GLUD1: variants seen among roughly 807,000 people sequenced by gnomAD.
GLUD1 encodes glutamate dehydrogenase 1, also known as glutamate dehydrogenase 1, mitochondrial.
In GLUD1, 22 loss-of-function variants were observed where a neutral mutation model predicts 56.0. The ratio of observed to expected loss-of-function variants is 0.39; its 90% confidence interval spans 0.28 to 0.56. GLUD1 has a LOEUF of 0.56. Among genes scored for constraint, GLUD1 ranks in the 20% least tolerant of loss-of-function variants. GLUD1 has a pLI of 0.58. For missense variants in GLUD1, 451 were observed against 732.0 expected, an observed-to-expected ratio of 0.62 and a Z score of 4.43; for synonymous variants, 223 against 269.9, an observed-to-expected ratio of 0.83 and a Z score of 1.70.
At position 87,060,936 on chromosome 10, in the gene GLUD1, C is replaced by T. The variant is rs1337811977; in HGVS notation, c.1038G>A (p.Lys346=). Residue 346 remains lysine, a synonymous_variant, in exon 7 of 13, where the codon AAG becomes AAA. Coordinates refer to ENST00000277865, the MANE Select transcript of GLUD1 (RefSeq NM_005271.5). ...SIWNPDGIDP[K]ELEDFKLQHG... is the part of the protein sequence containing the mutation. Reference sequence around the variant, plus strand: ...ATACCAATTTGAAGTCTTCCAGTTCCTTTGGGTCAATACCATCTGGATTCC... The same window carrying T: ...ATACCAATTTGAAGTCTTCCAGTTCTTTTGGGTCAATACCATCTGGATTCC... 1 of 1,614,102 alleles carries T rather than the reference C, an allele frequency of 6.2e-7. No individual in the cohort carries two copies. The highest frequency in any genetic ancestry group is 8.5e-7 in the Non-Finnish European group (1 of 1,179,966).
intron 5 of GLUD1, among the ~76,000 whole-genome samples, chr10:87,065,029 A>G (rs775582337): frequency 5.3e-5 from 8 of 152,154 alleles, no homozygotes; most frequent in Non-Finnish European, 1.2e-4. Flanking sequence ...TTAGGGCTTG[A>G]TTTTAGATTT....
At chr10:87,056,616 C>A (rs570177676) in intron 11 of GLUD1, among the ~76,000 whole-genome samples, 1 of 152,174 alleles carries the variant, frequency 6.6e-6, no homozygotes, top group African/African-American at 2.4e-5. Context: ...TCAATAACAT[C>A]ATCGTGCATG....
chr10:87,076,752 A>T, intron 1 of GLUD1, 96 bp from the exon 2 acceptor site: 2 of 797,890 alleles, frequency 2.5e-6, no homozygotes, highest in South Asian at 2.8e-5. Flanking sequence ...GAAAGCTACA[A>T]ATTGAAAATA....
intron 1 of GLUD1, among the ~76,000 whole-genome samples, chr10:87,081,548 G>T (rs11202323): frequency 6.6e-6 from 1 of 151,904 alleles, no homozygotes; most frequent in African/African-American, 2.4e-5. Flanking sequence ...GATGGTTGCC[G>T]TGTCTGTGTG....
chr10:87,065,127 C>T, intron 5 of GLUD1, among the ~76,000 whole-genome samples: 1 of 151,930 alleles, frequency 6.6e-6, no homozygotes, highest in Non-Finnish European at 1.5e-5. Flanking sequence ...ACCGTCTCTA[C>T]TAAAAATACA....
chr10:87,088,077 GT>G (rs1051767924), intron 1 of GLUD1, among the ~76,000 whole-genome samples: 1 of 150,282 alleles, frequency 6.7e-6, no homozygotes, highest in Admixed American at 6.6e-5. Context: ...GCAAAACTCT[GT>G]TTCAAAAAAA....
intron 1 of GLUD1, among the ~76,000 whole-genome samples, chr10:87,093,124 T>G (rs192423968): frequency 6.6e-6 from 1 of 152,298 alleles, no homozygotes; most frequent in East Asian, 1.9e-4. Flanking sequence ...TTGTCCCCCC[T>G]GCTGGGAACA....
intron 1 of GLUD1, among the ~76,000 whole-genome samples, chr10:87,082,403 C>A (rs1168624339): frequency 6.6e-6 from 1 of 152,224 alleles, no homozygotes; most frequent in Non-Finnish European, 1.5e-5. Context: ...TTCCCAGCTA[C>A]ACCCATTTAG....
chr10:87,059,188 G>A lies in GLUD1; in HGVS notation c.1364C>T (p.Thr455Ile), dbSNP rs1196640248. The stretch of plus-strand genomic sequence containing the variant: ...GTTAGAATCCCTTTCATATTTGAAG[G>A]TCAAACGGCCATAGCTGACATGATT... ...NLNHVSYGRL[T>I]FKYERDSNYH... Residue 455 changes from threonine (T) to isoleucine (I), a missense_variant, in exon 10 of 13, where the codon ACC becomes ATC. By Grantham distance (89) the Thr-to-Ile change is moderately conservative. Around this residue, in one of 4 missense-constraint regions of GLUD1, gnomAD observed 248 missense variants for 460.0 expected, o/e 0.54. Transcript: ENST00000277865. The A allele has an allele frequency of 1.9e-6, 3 of 1,613,490 alleles. No homozygotes were observed. The highest frequency in any genetic ancestry group is 2.5e-6 in the Non-Finnish European group (3 of 1,179,984).
rs1383585741 is a variant in GLUD1 at position 87,062,843 on chromosome 10, A to T, written c.742-8T>A. On this transcript the variant is annotated splice_polypyrimidine_tract_variant and splice_region_variant and intron_variant, in intron 5 of 12. Coordinates refer to ENST00000277865, the MANE Select transcript of GLUD1 (RefSeq NM_005271.5). Reference sequence around the variant, plus strand: ...GGCGTGTGCATTAATATCCTGTAAGAGGGGGTAATTGAAAGAATGAAATGT... The same window carrying T: ...GGCGTGTGCATTAATATCCTGTAAGTGGGGGTAATTGAAAGAATGAAATGT... 6.2e-7 allele frequency: 1 copy of T among 1,612,824 alleles called. No individual in the cohort carries two copies. Among genetic ancestry groups the T allele is most frequent in the Non-Finnish European group, 8.5e-7 (1 of 1,178,962 alleles).
intron 9 of GLUD1, 36 bp from the exon 10 acceptor site, chr10:87,059,309 G>A (rs1845869379): frequency 6.2e-7 from 1 of 1,608,264 alleles, no homozygotes; most frequent in Non-Finnish European, 8.5e-7. Context: ...ATTAGAAGAT[G>A]ATGGTTTTCG....
Position 87,094,099 on chromosome 10 carries a change from G to A in GLUD1, c.445+226C>T, listed in dbSNP as rs2133872533. ...AGATCAGCATATACAGAGGCCCGGG[G>A]TGACGGCGCGGGGGAGGGGGCAGGC... On this transcript the variant is annotated intron_variant, in intron 1 of 12. Transcript: ENST00000277865. This position sits in a 1 kb window ranked among gnomAD's most constrained non-coding sequence, Gnocchi z 6.6. 17 of 1,507,142 alleles carry A rather than the reference G, an allele frequency of 1.1e-5. No homozygotes were observed. The highest frequency in any genetic ancestry group is 1.5e-5 in the Non-Finnish European group (17 of 1,130,512). The allele number at this position is 1,507,142 out of a possible 1,614,324, so 93.4% of individuals were successfully genotyped here. A position where few individuals can be genotyped will look rare whatever the true frequency, so the allele number is the denominator to read the frequency against.
chr10:87,083,416 T>A (rs927387703), intron 1 of GLUD1, among the ~76,000 whole-genome samples: 3 of 152,196 alleles, frequency 2.0e-5, no homozygotes, highest in African/African-American at 7.2e-5. Flanking sequence ...AATTTGAAGT[T>A]GTTCAAAAAA....
At chr10:87,080,284 G>A (rs1403974098) in intron 1 of GLUD1, among the ~76,000 whole-genome samples, 1 of 151,774 alleles carries the variant, frequency 6.6e-6, no homozygotes, top group Non-Finnish European at 1.5e-5. Context: ...ATCTCGGCTC[G>A]CTACAACCTC....
chr10:87,057,993 C>T (rs746113223), intron 10 of GLUD1, among the ~76,000 whole-genome samples: 1 of 152,114 alleles, frequency 6.6e-6, no homozygotes, highest in Admixed American at 6.5e-5. Flanking sequence ...CTCAGCCTTG[C>T]GAGTAGCTGG....
intron 3 of GLUD1, among the ~76,000 whole-genome samples, 174 bp from the exon 4 acceptor site, chr10:87,074,788 A>C (rs1274168467): frequency 6.6e-6 from 1 of 152,164 alleles, no homozygotes; most frequent in African/African-American, 2.4e-5. Flanking sequence ...ATAAGGGATC[A>C]AAAAAGTAGG....
intron 1 of GLUD1, among the ~76,000 whole-genome samples, chr10:87,089,963 A>G (rs1437452664): frequency 6.6e-6 from 1 of 152,182 alleles, no homozygotes; most frequent in Non-Finnish European, 1.5e-5. Context: ...TGTGTATTTT[A>G]TGGGTTGCTG....
At chr10:87,091,585 A>G (rs1841510738) in intron 1 of GLUD1, 1 of 967,538 alleles carries the variant, frequency 1.0e-6, no homozygotes, top group Non-Finnish European at 1.2e-6. Context: ...TCAAATCCTT[A>G]ACACAGACAA....
chr10:87,056,136 A>AAAAAAAAAC (rs1564762520), intron 11 of GLUD1, among the ~76,000 whole-genome samples: 2 of 150,056 alleles, frequency 1.3e-5, no homozygotes, highest in African/African-American at 4.9e-5. Flanking sequence ...AAAAAAAAAA[A>AAAAAAAAAC]AAAACCAAAA....
Sources: allele counts gnomAD v4.1 joint callset (sites outside exome capture counted in the v4.1 genomes callset), GRCh38; gene constraint gnomAD v4.1.1; regional missense constraint gnomAD v4.1.1; non-coding constraint Gnocchi (gnomAD v3.1); transcripts MANE v1.5; gene names NCBI Gene and HGNC (gene_info 2026-07-23, HGNC 2026-07-21).